Variants in HS2ST1 observed in about 807,000 individuals in gnomAD.
The protein encoded by HS2ST1 is 2-O-sulfotransferase.
HS2ST1 carries 18 observed loss-of-function variants against 42.9 expected under a neutral mutation model. That is an observed-to-expected ratio of 0.42 (90% CI 0.29 to 0.62). The LOEUF (loss-of-function observed/expected upper bound fraction) is 0.62, where lower values mean the gene tolerates loss of function less well. Among genes scored for constraint, HS2ST1 ranks in the 20% least tolerant of loss-of-function variants. The pLI, the probability that HS2ST1 is intolerant of heterozygous loss-of-function variation, is 0.21. For synonymous variants in HS2ST1, 146 were observed against 152.9 expected (o/e 0.95, Z 0.33); for missense variants, 334 against 433.8 (o/e 0.77, Z 2.04).
intron 3 of HS2ST1, among the ~76,000 whole-genome samples, chr1:87,085,819 C>T (rs958363736): frequency 5.9e-5 from 9 of 152,076 alleles, no homozygotes; most frequent in Non-Finnish European, 1.2e-4. Flanking sequence ...TTGGCAAAGT[C>T]TTATACTTAG....
At chr1:86,939,160 A>G (rs888141662) in intron 1 of HS2ST1, among the ~76,000 whole-genome samples, 1 of 152,122 alleles carries the variant, frequency 6.6e-6, no homozygotes, top group African/African-American at 2.4e-5. Context: ...TTTCATCATT[A>G]TTGTTTGGAC....
At chr1:87,015,348 G>GT (rs35791774) in intron 1 of HS2ST1, among the ~76,000 whole-genome samples, 92,148 of 131,690 alleles carry the variant, frequency 0.7, 34,170 homozygotes, top group East Asian at 0.96. Context: ...GCCTGGCCCT[G>GT]TTTTTTTTTT....
chr1:86,938,027 A>G (rs1033052498), intron 1 of HS2ST1, among the ~76,000 whole-genome samples: 1 of 152,188 alleles, frequency 6.6e-6, no homozygotes, highest in African/African-American at 2.4e-5. Flanking sequence ...TAACTAGAGC[A>G]TGTGTTTAGC....
intron 1 of HS2ST1, among the ~76,000 whole-genome samples, chr1:87,024,589 G>A (rs571434150): frequency 5.3e-5 from 8 of 151,814 alleles, no homozygotes; most frequent in Non-Finnish European, 7.4e-5. Flanking sequence ...GTGACCTTGA[G>A]CAAGAAACAT....
chr1:87,054,725 G>C (rs1650918536), intron 1 of HS2ST1, among the ~76,000 whole-genome samples: 1 of 152,264 alleles, frequency 6.6e-6, no homozygotes, highest in South Asian at 2.1e-4. Flanking sequence ...AGAAATGGTT[G>C]TGCTTTCTGC....
intron 1 of HS2ST1, among the ~76,000 whole-genome samples, chr1:86,975,418 T>C (rs1648369378): frequency 6.6e-6 from 1 of 152,138 alleles, no homozygotes; most frequent in South Asian, 2.1e-4. Context: ...GAGATAAAAT[T>C]ATTTGGTAGC....
intron 1 of HS2ST1, chr1:86,993,146 G>A: frequency 6.3e-7 from 1 of 1,597,120 alleles, no homozygotes; most frequent in Non-Finnish European, 8.5e-7. Context: ...TTTTGGGGTA[G>A]CATGTCCTAA....
chr1:86,976,959 G>A (rs940901222), intron 1 of HS2ST1, among the ~76,000 whole-genome samples: 3 of 151,494 alleles, frequency 2.0e-5, no homozygotes, highest in Non-Finnish European at 2.9e-5. Flanking sequence ...GGCTGAGGTG[G>A]GAGGATCTTT....
chr1:87,090,966 A>G (rs900951631), intron 3 of HS2ST1, among the ~76,000 whole-genome samples: 1 of 151,912 alleles, frequency 6.6e-6, no homozygotes. Flanking sequence ...AAAAAACACA[A>G]TTTTGAATTG....
intron 1 of HS2ST1, among the ~76,000 whole-genome samples, chr1:86,939,073 T>G (rs1660713758): frequency 6.6e-6 from 1 of 152,222 alleles, no homozygotes. Flanking sequence ...TTTAAATTTC[T>G]TGTCATGTAA....
chr1:87,070,083 A>T (rs1651364528), intron 1 of HS2ST1, among the ~76,000 whole-genome samples: 1 of 152,128 alleles, frequency 6.6e-6, no homozygotes, highest in African/African-American at 2.4e-5. Context: ...TCTTTAGCGC[A>T]AACTCCTACT....
chr1:87,057,175 T>G (rs1469801625), intron 1 of HS2ST1, among the ~76,000 whole-genome samples: 3 of 152,244 alleles, frequency 2.0e-5, no homozygotes, highest in African/African-American at 4.8e-5. Context: ...TATGCTGACA[T>G]GTCATATTGT....
rs574496211 is a variant in HS2ST1 at position 86,943,795 on chromosome 1, G to T, written c.124+28635G>T. Among the ~76,000 whole-genome samples, 9 of 152,214 alleles carry T rather than the reference G, an allele frequency of 5.9e-5. No individual in the cohort carries two copies. In the East Asian group the frequency reaches 1.4e-3, roughly 23 times the overall value. ...AATCCCAGCACTTTGGGTGGCTGAGGCAGGTGGATTACCTGAGATCAGGAG... is the reference window on the plus strand; with the variant it reads ...AATCCCAGCACTTTGGGTGGCTGAGTCAGGTGGATTACCTGAGATCAGGAG... On this transcript the variant is annotated intron_variant, in intron 1 of 6. Transcript: ENST00000370550.
Position 87,105,047 on chromosome 1 carries a change from A to G in HS2ST1, c.*351A>G, listed in dbSNP as rs1026213063. On this transcript the variant is annotated 3_prime_UTR_variant, in exon 7 of 7. Coordinates refer to ENST00000370550, the MANE Select transcript of HS2ST1 (RefSeq NM_012262.4). ...TTGTTTTTGATAAAGCATTTTTTCA[A>G]CTAACCATGAATTAAGATGAGTCCA... The G allele has an allele frequency of 9.6e-6, 2 of 207,926 alleles. No individual in the cohort carries two copies. Among genetic ancestry groups the G allele is most frequent in the African/African-American group, 4.7e-5 (2 of 42,648 alleles). 12.9% of individuals were successfully genotyped at this position (207,926 alleles called of 1,614,324 possible).
intron 1 of HS2ST1, among the ~76,000 whole-genome samples, chr1:87,054,124 A>G (rs755870772): frequency 3.3e-5 from 5 of 152,130 alleles, no homozygotes; most frequent in Non-Finnish European, 5.9e-5. Context: ...TCTCTCCCTC[A>G]TACTAACCCT....
chr1:87,007,454 G>A (rs1649473666), intron 1 of HS2ST1, among the ~76,000 whole-genome samples: 1 of 152,016 alleles, frequency 6.6e-6, no homozygotes, highest in African/African-American at 2.4e-5. Flanking sequence ...AGTTATTATA[G>A]AGGATGCATA....
intron 1 of HS2ST1, among the ~76,000 whole-genome samples, chr1:87,064,119 T>C (rs1651188121): frequency 6.6e-6 from 1 of 152,178 alleles, no homozygotes; most frequent in Admixed American, 6.5e-5. Context: ...TCCTATGAAA[T>C]TGGCTACTGT....
intron 1 of HS2ST1, among the ~76,000 whole-genome samples, chr1:87,035,166 C>G (rs981362259): frequency 6.6e-6 from 1 of 152,146 alleles, no homozygotes; most frequent in Non-Finnish European, 1.5e-5. Flanking sequence ...GGAACATAAC[C>G]TAGCTGACAC....
In HS2ST1 at chr1:86,948,768, T is replaced by C. The variant is rs374509838; in HGVS notation, c.124+33608T>C. ...AACTTAACGGTTTTAGGATCTGTTA[T>C]TAAAATTTTTAGCACATAAAAATGT... is the stretch of plus-strand genomic sequence containing the variant. On this transcript the variant is annotated intron_variant, in intron 1 of 6. Transcript: ENST00000370550. 5.3e-5 allele frequency among the ~76,000 whole-genome samples: 8 copies of C among 152,370 alleles called. No homozygotes were observed. In the South Asian group the frequency reaches 1.0e-3, roughly 20 times the overall value.
Sources: gnomAD v4.1 joint callset for allele counts (sites outside exome capture counted in the v4.1 genomes callset) on GRCh38, gnomAD v4.1.1 for gene constraint, MANE v1.5 for transcripts, NCBI Gene and HGNC (gene_info 2026-07-23, HGNC 2026-07-21) for gene names.